The following GDPD4 variants were observed in gnomAD, a reference collection of about 807,000 sequenced individuals.
GDPD4 encodes glycerophosphodiester phosphodiesterase 6.
Under a neutral mutation model 67.8 loss-of-function variants are expected in GDPD4, and 60 were observed. That is an observed-to-expected ratio of 0.88 (90% CI 0.72 to 1.10). The LOEUF (loss-of-function observed/expected upper bound fraction) is 1.10. GDPD4 is among the 50% of genes least tolerant of loss of function. GDPD4 has a pLI of 0.00. For synonymous variants in GDPD4, 212 were observed against 210.9 expected, an observed-to-expected ratio of 1.00 and a Z score of -0.04; for missense variants, 623 against 613.9, an observed-to-expected ratio of 1.01 and a Z score of -0.16.
intron 13 of GDPD4, among the ~76,000 whole-genome samples, chr11:77,234,196 T>C (rs1242021132): frequency 1.3e-5 from 2 of 152,192 alleles, no homozygotes; most frequent in Admixed American, 6.5e-5. Context: ...AATGCCTCCT[T>C]AACAGAGGTG....
Position 77,279,298 on chromosome 11 carries a change from T to C in GDPD4, c.147+8A>G, listed in dbSNP as rs527572516. ...AAGGGAGTGGAAGAAATGAGAAGCATTACTCACCAACAGCAATGAAGAGTA... is the reference window on the plus strand; with the variant it reads ...AAGGGAGTGGAAGAAATGAGAAGCACTACTCACCAACAGCAATGAAGAGTA... On this transcript the variant is annotated splice_region_variant and intron_variant, in intron 4 of 16. Coordinates refer to ENST00000315938, the MANE Select transcript of GDPD4 (RefSeq NM_182833.3). The C allele has an allele frequency of 1.0e-5, 16 of 1,571,444 alleles. No homozygotes were observed. In the African/African-American group the frequency reaches 1.3e-4, roughly 13 times the overall value.
chr11:77,229,457 C>G (rs757677419), intron 14 of GDPD4, among the ~76,000 whole-genome samples: 28 of 152,172 alleles, frequency 1.8e-4, no homozygotes, highest in Admixed American at 3.3e-4. Context: ...GAATAGAACA[C>G]TTCACACCTT....
At chr11:77,299,148 C>A (rs114603526) in intron 1 of GDPD4, among the ~76,000 whole-genome samples, 1 of 152,140 alleles carries the variant, frequency 6.6e-6, no homozygotes, top group African/African-American at 2.4e-5. Context: ...AGACAGGGGC[C>A]GGAGGTAGCA....
chr11:77,258,436 A>G lies in GDPD4; in HGVS notation c.814T>C (p.Trp272Arg), dbSNP rs1959045688. Residue 272 changes from tryptophan (W) to arginine (R), a missense_variant, in exon 11 of 17, where the codon TGG becomes CGG. Transcript: ENST00000315938. ...SACENPAFFN[W>R]DFLSTLNAGK... ...GCATTCAGAGTCGATAGGAAATCCC[A>G]GTTGAAGAAGGCAGGGTTCTCGCAG... 6.2e-7 allele frequency: 1 copy of G among 1,614,036 alleles called. No homozygotes were observed.
chr11:77,242,702 A>T (rs1335571234), intron 13 of GDPD4, among the ~76,000 whole-genome samples: 2 of 152,146 alleles, frequency 1.3e-5, no homozygotes, highest in Non-Finnish European at 2.9e-5. Flanking sequence ...AAAAAAAAGT[A>T]GAAGAAAATA....
chr11:77,234,837 A>G (rs1449947921), intron 13 of GDPD4, among the ~76,000 whole-genome samples: 1 of 152,060 alleles, frequency 6.6e-6, no homozygotes, highest in Non-Finnish European at 1.5e-5. Context: ...TAGTAGAACA[A>G]TTTATTTTCC....
At chr11:77,296,454 G>A (rs1208489110) in intron 1 of GDPD4, among the ~76,000 whole-genome samples, 6 of 150,598 alleles carry the variant, frequency 4.0e-5, no homozygotes, top group Non-Finnish European at 7.4e-5. Flanking sequence ...CTGAGTAGCT[G>A]GCATTACAAG....
Position 77,258,349 on chromosome 11 carries a change from T to A in GDPD4, c.864+37A>T, listed in dbSNP as rs182963100. The stretch of plus-strand genomic sequence containing the variant: ...GCAGCACATGATCTCTTACAAAAAT[T>A]CAATGCAGGTTTGTGGAACTTGGGA... On this transcript the variant is annotated intron_variant, in intron 11 of 16. Coordinates refer to ENST00000315938, the MANE Select transcript of GDPD4 (RefSeq NM_182833.3). 2.4e-5 allele frequency: 39 copies of A among 1,602,792 alleles called. No homozygotes were observed. The East Asian group carries it at 8.7e-4, about 36-fold the overall frequency.
At chr11:77,277,439 C>T (rs1410047652) in intron 4 of GDPD4, among the ~76,000 whole-genome samples, 8 of 105,910 alleles carry the variant, frequency 7.6e-5, no homozygotes, top group East Asian at 6.2e-4. Context: ...CTCGCTCTGT[C>T]GTCCAGGCTG....
At position 77,234,945 on chromosome 11, in the gene GDPD4, C is replaced by T. The variant is rs1489315216; in HGVS notation, c.1242-1773G>A. On this transcript the variant is annotated intron_variant, in intron 13 of 16. Coordinates refer to ENST00000315938, the MANE Select transcript of GDPD4 (RefSeq NM_182833.3). Reference sequence around the variant, plus strand: ...TAAACTGCTTTCCCCAGGGGCTGAACTAATTTACATTCCCACCAACAGTGT... The same window carrying T: ...TAAACTGCTTTCCCCAGGGGCTGAATTAATTTACATTCCCACCAACAGTGT... Among the ~76,000 whole-genome samples the T allele has an allele frequency of 2.0e-5, 3 of 147,944 alleles. No individual in the cohort carries two copies. The East Asian group carries it at 6.1e-4, about 30-fold the overall frequency.
intron 5 of GDPD4, among the ~76,000 whole-genome samples, chr11:77,275,310 A>G (rs1037508853): frequency 1.3e-5 from 2 of 152,238 alleles, no homozygotes; most frequent in African/African-American, 4.8e-5. Flanking sequence ...TATTGGAAAT[A>G]TGCTGCATGC....
chr11:77,218,533 T>C (rs1958168657), intron 16 of GDPD4, among the ~76,000 whole-genome samples: 1 of 152,120 alleles, frequency 6.6e-6, no homozygotes, highest in Non-Finnish European at 1.5e-5. Flanking sequence ...ATGCTATCCC[T>C]CCCCCATACC....
chr11:77,273,064 T>C (rs1172416673), intron 5 of GDPD4, among the ~76,000 whole-genome samples: 3 of 152,168 alleles, frequency 2.0e-5, no homozygotes, highest in Non-Finnish European at 4.4e-5. Context: ...AACCTAAATA[T>C]ATCTAGGTAT....
intron 13 of GDPD4, among the ~76,000 whole-genome samples, chr11:77,238,571 C>T (rs1322457351): frequency 1.6e-4 from 22 of 133,812 alleles, no homozygotes; most frequent in South Asian, 2.4e-4. Flanking sequence ...GCAACAAGAG[C>T]GAAACTCCGT....
At chr11:77,292,008 C>T (rs1210858309) in intron 1 of GDPD4, among the ~76,000 whole-genome samples, 1 of 151,934 alleles carries the variant, frequency 6.6e-6, no homozygotes, top group Non-Finnish European at 1.5e-5. Flanking sequence ...CCAGCCTGGG[C>T]AACAAGAGTG....
At chr11:77,300,039 AAT>A (rs1438728503) in intron 1 of GDPD4, among the ~76,000 whole-genome samples, 1 of 150,374 alleles carries the variant, frequency 6.7e-6, no homozygotes, top group Non-Finnish European at 1.5e-5. Context: ...TCAAAGAATC[AAT>A]ATGTCAGTAT....
intron 1 of GDPD4, among the ~76,000 whole-genome samples, chr11:77,292,383 G>A (rs1353714622): frequency 6.6e-6 from 1 of 151,760 alleles, no homozygotes; most frequent in South Asian, 2.1e-4. Flanking sequence ...AATCAAAAGG[G>A]AAATTAAAAC....
At chr11:77,282,489 C>CA (rs933783408) in intron 3 of GDPD4, among the ~76,000 whole-genome samples, 47 of 150,744 alleles carry the variant, frequency 3.1e-4, no homozygotes, top group African/African-American at 8.3e-4. Context: ...CCTGTCTCCA[C>CA]AAAAAAATAT....
chr11:77,217,884 G>A (rs10899363), intron 16 of GDPD4, among the ~76,000 whole-genome samples: 38,040 of 152,082 alleles, frequency 0.25, 5,838 homozygotes, highest in South Asian at 0.43. Flanking sequence ...TTATCTATGC[G>A]TTTACAATAT....
Sources: gnomAD v4.1 joint callset for allele counts (sites outside exome capture counted in the v4.1 genomes callset) on GRCh38, gnomAD v4.1.1 for gene constraint, MANE v1.5 for transcripts, NCBI Gene and HGNC (gene_info 2026-07-23, HGNC 2026-07-21) for gene names.